LRP1B: variants seen among roughly 807,000 people sequenced by gnomAD.
The protein encoded by LRP1B is LDL receptor related protein 1B, also known as low-density lipoprotein receptor-related protein 1B.
Under a neutral mutation model 556.6 loss-of-function variants are expected in LRP1B, and 217 were observed. The observed-to-expected ratio is 0.39, with a 90% CI of 0.35 to 0.44. The LOEUF is 0.44. Ranked by LOEUF, LRP1B falls within the 20% of genes least tolerant of loss-of-function variation. The probability of loss-of-function intolerance (pLI) is 1.00; values close to 1 mark genes in which losing one functional copy is unlikely to be tolerated. For missense variants in LRP1B, 5,053 were observed against 5,620.8 expected (o/e 0.90, Z 3.23); for synonymous variants, 2,047 against 1,865.8 (o/e 1.10, Z -2.50).
intron 3 of LRP1B, among the ~76,000 whole-genome samples, chr2:141,400,304 T>C (rs1407106131): frequency 6.6e-6 from 1 of 152,142 alleles, no homozygotes; most frequent in African/African-American, 2.4e-5. Context: ...AATCCTCACA[T>C]CAATCTTATC....
chr2:141,307,488 C>T (rs1374618224), intron 3 of LRP1B, among the ~76,000 whole-genome samples: 1 of 151,956 alleles, frequency 6.6e-6, no homozygotes, highest in Non-Finnish European at 1.5e-5. Context: ...TACTTTCAGT[C>T]TGTATAACTT....
At chr2:142,062,900 T>C (rs1704973962) in intron 1 of LRP1B, among the ~76,000 whole-genome samples, 1 of 151,652 alleles carries the variant, frequency 6.6e-6, no homozygotes. Flanking sequence ...TCAGTCTTTT[T>C]CCAAACCTAA....
chr2:141,142,866 G>T (rs1701688279), intron 7 of LRP1B, among the ~76,000 whole-genome samples: 1 of 151,152 alleles, frequency 6.6e-6, no homozygotes, highest in Non-Finnish European at 1.5e-5. Context: ...TGCACCTCGA[G>T]GCTCCCCAAG....
At position 141,373,530 on chromosome 2, in the gene LRP1B, G is replaced by A. The variant is rs113873282; in HGVS notation, c.343+106866C>T. On this transcript the variant is annotated intron_variant, in intron 3 of 90. Transcript: ENST00000389484. ...TGTGAATCTGGGGACTCCAGTGTTG[G>A]GTGCATATATATTTAGAGTTGTTGT... 2.6e-5 allele frequency among the ~76,000 whole-genome samples: 4 copies of A among 151,898 alleles called. 1 individual carries two copies. Among genetic ancestry groups the A allele is most frequent in the African/African-American group, 7.2e-5 (3 of 41,484 alleles).
rs754346835 is a variant in LRP1B at position 140,886,279 on chromosome 2, G to C, written c.3823C>G (p.Leu1275Val). 2 of 1,608,802 alleles carry C rather than the reference G, an allele frequency of 1.2e-6. No homozygotes were observed. The highest frequency in any genetic ancestry group is 1.7e-6 in the Non-Finnish European group (2 of 1,176,568). ...AGTAGACTATAGTCTCTTTTGTGAA[G>C]ATCAATCCTTCTGATCTCATGACGA... Reference protein sequence around the residue: ...SIRHEIRRIDLHKRDYSLLVP... With the variant: ...SIRHEIRRIDVHKRDYSLLVP... Residue 1275 changes from leucine to valine, a missense_variant, in exon 24 of 91, where the codon CTT becomes GTT. Around this residue, in one of 5 missense-constraint regions of LRP1B, gnomAD observed 3,619 missense variants for 3,931.9 expected, o/e 0.92. Transcript: ENST00000389484.
At chr2:140,607,017 A>C (rs1682892794) in intron 41 of LRP1B, among the ~76,000 whole-genome samples, 1 of 152,098 alleles carries the variant, frequency 6.6e-6, no homozygotes, top group South Asian at 2.1e-4. Context: ...AGAATGGGAG[A>C]CAATATTTGC....
chr2:140,509,747 G>A (rs1169918686), intron 52 of LRP1B, among the ~76,000 whole-genome samples, 181 bp downstream of exon 52: 1 of 152,226 alleles, frequency 6.6e-6, no homozygotes, highest in African/African-American at 2.4e-5. Context: ...TTGAACAGTA[G>A]TTAAAGAGGT....
chr2:141,980,629 A>C (rs1702017395), intron 1 of LRP1B, among the ~76,000 whole-genome samples: 1 of 152,152 alleles, frequency 6.6e-6, no homozygotes, highest in South Asian at 2.1e-4. Context: ...ACCAGATGAG[A>C]GTATAAGACA....
chr2:141,119,399 C>A (rs936170957), intron 7 of LRP1B, among the ~76,000 whole-genome samples: 3 of 151,784 alleles, frequency 2.0e-5, no homozygotes, highest in Non-Finnish European at 4.4e-5. Flanking sequence ...AAAACATTTG[C>A]TAGATATTCT....
chr2:141,298,967 A>AG, intron 3 of LRP1B, among the ~76,000 whole-genome samples: 1 of 151,680 alleles, frequency 6.6e-6, no homozygotes, highest in African/African-American at 2.4e-5. Context: ...AAAAAAAAAA[A>AG]AAAAACCCAC....
At chr2:141,682,029 C>G (rs925451665) in intron 2 of LRP1B, among the ~76,000 whole-genome samples, 4 of 151,798 alleles carry the variant, frequency 2.6e-5, no homozygotes, top group Non-Finnish European at 5.9e-5. Context: ...TTTTCAGGTT[C>G]AGAGACAGAA....
At chr2:140,793,411 G>A (rs2104991171) in intron 32 of LRP1B, among the ~76,000 whole-genome samples, 1 of 151,878 alleles carries the variant, frequency 6.6e-6, no homozygotes, top group Non-Finnish European at 1.5e-5. Flanking sequence ...TACTTCAAAT[G>A]GCTGCTCTTA....
rs2105134644 is a variant in LRP1B at position 140,580,548 on chromosome 2, T to C, written c.7194+18083A>G. ...ACTGTTTTCCTTTTGAAAGTAGGGGTGTAACAGCCTATTAAATAATTACTT... is the reference window on the plus strand; with the variant it reads ...ACTGTTTTCCTTTTGAAAGTAGGGGCGTAACAGCCTATTAAATAATTACTT... On this transcript the variant is annotated intron_variant, in intron 43 of 90. Coordinates refer to ENST00000389484, the MANE Select transcript of LRP1B (RefSeq NM_018557.3). 1.3e-5 allele frequency among the ~76,000 whole-genome samples: 2 copies of C among 152,284 alleles called. 1 individual carries two copies. Among genetic ancestry groups the C allele is most frequent in the Admixed American group, 1.3e-4 (2 of 15,300 alleles).
At chr2:140,731,764 C>CAAAAAAAAAAAAAAAAAA (rs36060787) in intron 35 of LRP1B, among the ~76,000 whole-genome samples, 1 of 59,388 alleles carries the variant, frequency 1.7e-5, no homozygotes, top group African/African-American at 5.9e-5. Context: ...GAGACTCCGT[C>CAAAAAAAAAAAAAAAAAA]AAAAAAAAAA....
At position 140,867,851 on chromosome 2, in the gene LRP1B, A is replaced by G. The variant is rs1692998749; in HGVS notation, c.4335-17T>C. 2 of 1,503,030 alleles carry G rather than the reference A, an allele frequency of 1.3e-6. No individual in the cohort carries two copies. The highest frequency in any genetic ancestry group is 8.9e-7 in the Non-Finnish European group (1 of 1,126,950). The allele number at this position is 1,503,030 out of a possible 1,614,324, so 93.1% of individuals were successfully genotyped here. A position where few individuals can be genotyped will look rare whatever the true frequency, so the allele number is the denominator to read the frequency against. On this transcript the variant is annotated splice_polypyrimidine_tract_variant and intron_variant, in intron 26 of 90. Transcript: ENST00000389484. ...GCATCTGACCTACAGAAAGATAAAT[A>G]CATGAGTAGTTTGTCAAAACTCATT...
intron 7 of LRP1B, among the ~76,000 whole-genome samples, chr2:141,137,137 G>A (rs1701511285): frequency 6.6e-6 from 1 of 151,904 alleles, no homozygotes; most frequent in Non-Finnish European, 1.5e-5. Flanking sequence ...TTCTGGTATG[G>A]AATATTTTTC....
At chr2:140,836,959 T>C (rs1367936843) in intron 31 of LRP1B, among the ~76,000 whole-genome samples, 1 of 152,166 alleles carries the variant, frequency 6.6e-6, no homozygotes, top group East Asian at 1.9e-4. Context: ...GTATAAACAT[T>C]TGGTCATTTC....
chr2:142,080,266 A>T (rs1277201793), intron 1 of LRP1B, among the ~76,000 whole-genome samples: 2 of 152,182 alleles, frequency 1.3e-5, no homozygotes, highest in Non-Finnish European at 2.9e-5. Flanking sequence ...TGGAAATAAA[A>T]GGTGCTATTA....
intron 1 of LRP1B, among the ~76,000 whole-genome samples, chr2:142,057,946 G>A (rs1704739734): frequency 6.6e-6 from 1 of 152,076 alleles, no homozygotes; most frequent in Non-Finnish European, 1.5e-5. Flanking sequence ...CCTTTCTACA[G>A]GGCATCTTGA....
Sources: allele counts gnomAD v4.1 joint callset (sites outside exome capture counted in the v4.1 genomes callset), GRCh38; gene constraint gnomAD v4.1.1; regional missense constraint gnomAD v4.1.1; transcripts MANE v1.5; gene names NCBI Gene and HGNC (gene_info 2026-07-23, HGNC 2026-07-21).